SPATA13: variants seen among roughly 807,000 people sequenced by gnomAD.
The protein encoded by SPATA13 is spermatogenesis-associated protein 13.
Under a neutral mutation model 104.0 loss-of-function variants are expected in SPATA13, and 50 were observed. The ratio of observed to expected loss-of-function variants is 0.48; its 90% CI spans 0.38 to 0.61. The LOEUF (loss-of-function observed/expected upper bound fraction) is 0.61. SPATA13 is among the 20% of genes least tolerant of loss of function. The pLI is 0.00. For missense variants in SPATA13, 1,524 were observed against 1,690.6 expected (o/e 0.90, Z 1.73); for synonymous variants, 606 against 667.5 (o/e 0.91, Z 1.42).
At chr13:24,117,870 A>G (rs1236741421) in intron 3 of SPATA13, among the ~76,000 whole-genome samples, 1 of 152,344 alleles carries the variant, frequency 6.6e-6, no homozygotes, top group South Asian at 2.1e-4. Context: ...CCAGTAATGT[A>G]TATCTTATTC....
intron 2 of SPATA13, among the ~76,000 whole-genome samples, chr13:24,229,810 A>G (rs935041665): frequency 5.3e-5 from 8 of 152,254 alleles, no homozygotes; most frequent in Non-Finnish European, 7.3e-5. Context: ...ACAAGAGACC[A>G]GTTAGGTATG....
intron 3 of SPATA13, among the ~76,000 whole-genome samples, chr13:24,020,422 A>C (rs1205847522): frequency 2.0e-5 from 3 of 152,182 alleles, no homozygotes; most frequent in African/African-American, 7.2e-5. Flanking sequence ...CTTAAGTAGA[A>C]TATATTAGTA....
At chr13:23,991,926 CCCCAAATGGGAAGAGGA>C (rs1875433447) in intron 2 of SPATA13, among the ~76,000 whole-genome samples, 1 of 152,146 alleles carries the variant, frequency 6.6e-6, no homozygotes, top group Admixed American at 6.5e-5. Context: ...TGGAAAGCCA[CCCCAAATGGGAAGAGGA>C]CACGGTGATG....
Position 24,306,837 on chromosome 13 carries a change from G to C in SPATA13, c.*4064G>C, listed in dbSNP as rs1423669440. ...TTGCAAGGCTTTGGGCAACATTTTA[G>C]CTCATTAACTTCAAGATGATGTGTC... On this transcript the variant is annotated 3_prime_UTR_variant, in exon 13 of 13. Transcript: ENST00000382108. The C allele has an allele frequency of 6.6e-6, 1 of 152,108 alleles. No individual in the cohort carries two copies. Among genetic ancestry groups the C allele is most frequent in the African/African-American group, 2.4e-5 (1 of 41,418 alleles). The allele number at this position is 152,108 out of a possible 1,614,324, so 9.4% of individuals were successfully genotyped here.
chr13:24,290,629 G>A (rs762249086), intron 8 of SPATA13, 23 bp from the exon 9 acceptor site: 9 of 1,599,236 alleles, frequency 5.6e-6, no homozygotes, highest in Admixed American at 5.0e-5. Flanking sequence ...AGAAGCTGAC[G>A]AAGCTGTACT....
At chr13:24,168,977 T>C (rs1882853231) in intron 1 of SPATA13, among the ~76,000 whole-genome samples, 2 of 152,256 alleles carry the variant, frequency 1.3e-5, no homozygotes, top group African/African-American at 2.4e-5. Context: ...TGTTTTCTTT[T>C]CTTCTTTTTT....
chr13:24,295,746 A>G (rs1221757023), intron 10 of SPATA13, among the ~76,000 whole-genome samples: 1 of 152,146 alleles, frequency 6.6e-6, no homozygotes, highest in South Asian at 2.1e-4. Flanking sequence ...TGTTTACCAC[A>G]TGTCTGAATG....
intron 4 of SPATA13, among the ~76,000 whole-genome samples, chr13:24,260,235 T>C (rs1873994682): frequency 2.0e-5 from 3 of 152,088 alleles, no homozygotes; most frequent in Admixed American, 2.0e-4. Context: ...GGGAGTTAGA[T>C]TAAGTTTGTT....
intron 1 of SPATA13, among the ~76,000 whole-genome samples, chr13:24,197,144 T>C (rs1870103182): frequency 6.6e-6 from 1 of 152,230 alleles, no homozygotes; most frequent in East Asian, 1.9e-4. Flanking sequence ...AAGACCCATC[T>C]TTAGAGGAAG....
At chr13:24,021,263 G>A (rs564765392) in intron 3 of SPATA13, among the ~76,000 whole-genome samples, 1 of 152,356 alleles carries the variant, frequency 6.6e-6, no homozygotes, top group East Asian at 1.9e-4. Context: ...CACAGCATAA[G>A]GAAAGAAAGT....
At chr13:24,160,241 T>C (rs1882413082), upstream of SPATA13, among the ~76,000 whole-genome samples, 1 of 151,928 alleles carries the variant, frequency 6.6e-6, no homozygotes. Context: ...GAGGGAACTA[T>C]TTTTGTTTGT....
Position 24,223,532 on chromosome 13 carries a change from C to A in SPATA13, c.603C>A (p.Arg201=). The A allele has an allele frequency of 2.6e-6, 4 of 1,548,822 alleles. No homozygotes were observed. Among genetic ancestry groups the A allele is most frequent in the Non-Finnish European group, 3.5e-6 (4 of 1,147,002 alleles). ...DAFQRSTHRS[R]SLRRAYGLGR... is the part of the protein sequence containing the mutation. ...TCCAGCGGAGCACACACCGCTCCCG[C>A]AGCCTCCGCAGAGCCTACGGCCTGG... Residue 201 remains arginine, a synonymous_variant, in exon 2 of 13, where the codon CGC becomes CGA. Transcript: ENST00000382108.
At chr13:24,115,503 T>G (rs1487916826) in intron 3 of SPATA13, among the ~76,000 whole-genome samples, 2 of 152,266 alleles carry the variant, frequency 1.3e-5, no homozygotes, top group African/African-American at 4.8e-5. Context: ...GTACGTTGCG[T>G]GCTCCTTATG....
chr13:24,012,274 T>C lies in SPATA13; in HGVS notation c.-146-5393T>C, dbSNP rs907349914. 7.2e-5 allele frequency among the ~76,000 whole-genome samples: 11 copies of C among 152,212 alleles called. 1 individual carries two copies. The highest frequency in any genetic ancestry group is 2.4e-4 in the African/African-American group (10 of 41,456). On this transcript the variant is annotated intron_variant, in intron 2 of 14. Transcript: ENST00000424834. ...TCCAGAAGAGATAACTACTTTCTAC[T>C]TAAGGACCAAAATACTTTTAGCCTC...
intron 3 of SPATA13, among the ~76,000 whole-genome samples, chr13:24,093,993 C>T (rs1333835082): frequency 1.3e-5 from 2 of 152,038 alleles, no homozygotes; most frequent in African/African-American, 4.8e-5. Flanking sequence ...GTAGGCCATG[C>T]CTGGAAGAAT....
rs547848632 is a variant in SPATA13, at chr13:24,306,581, G to A, written c.*3808G>A. ...AGTCTCATTGTTTTCAGGATGCAAT[G>A]AAAGTGGATTTCAAAAGGCTTTGGA... On this transcript the variant is annotated 3_prime_UTR_variant, in exon 13 of 13. Coordinates refer to ENST00000382108, the MANE Select transcript of SPATA13 (RefSeq NM_001166271.3). 29 of 152,100 alleles carry A rather than the reference G, an allele frequency of 1.9e-4. No homozygotes were observed. The highest frequency in any genetic ancestry group is 7.0e-4 in the African/African-American group (29 of 41,494). The allele number at this position is 152,100 out of a possible 1,614,324, so 9.4% of individuals were successfully genotyped here.
chr13:24,141,916 G>T (rs990449628), intron 3 of SPATA13, among the ~76,000 whole-genome samples: 2 of 152,110 alleles, frequency 1.3e-5, no homozygotes, highest in Admixed American at 1.3e-4. Flanking sequence ...ATTTAACTGG[G>T]CGTGCAAATG....
At chr13:24,010,820 G>A (rs917193885) in intron 2 of SPATA13, among the ~76,000 whole-genome samples, 1 of 152,010 alleles carries the variant, frequency 6.6e-6, no homozygotes, top group Non-Finnish European at 1.5e-5. Flanking sequence ...GAGGGCCCTG[G>A]TGCATGGGAC....
chr13:24,290,303 C>G (rs1381850127), intron 8 of SPATA13, among the ~76,000 whole-genome samples: 5 of 152,106 alleles, frequency 3.3e-5, no homozygotes, highest in African/African-American at 9.7e-5. Context: ...TGGTTTTCAG[C>G]GAGTTGAAAA....
Sources: allele counts gnomAD v4.1 joint callset (sites outside exome capture counted in the v4.1 genomes callset), GRCh38; gene constraint gnomAD v4.1.1; transcripts MANE v1.5; gene names NCBI Gene and HGNC (gene_info 2026-07-23, HGNC 2026-07-21).